Variants in STK31 observed in about 807,000 individuals in gnomAD.
STK31 encodes serine/threonine-protein kinase 31.
STK31 carries 89 observed loss-of-function variants against 129.7 expected under a neutral mutation model. The ratio of observed to expected loss-of-function variants is 0.69; its 90% confidence interval spans 0.58 to 0.82. The LOEUF is 0.82. STK31 is among the 40% of genes least tolerant of loss of function. The pLI, the probability that STK31 is intolerant of heterozygous loss-of-function variation, is 0.00. For missense variants in STK31, 1,187 were observed against 1,176.4 expected, an observed-to-expected ratio of 1.01 and a Z score of -0.13; for synonymous variants, 448 against 395.3, an observed-to-expected ratio of 1.13 and a Z score of -1.58.
At chr7:23,789,801 T>C (rs1221451346) in intron 21 of STK31, among the ~76,000 whole-genome samples, 3 of 152,166 alleles carry the variant, frequency 2.0e-5, no homozygotes, top group Non-Finnish European at 2.9e-5. Flanking sequence ...AATTACTCTT[T>C]AGTCATTCGT....
chr7:23,773,022 G>T (rs1298221462), intron 15 of STK31, among the ~76,000 whole-genome samples: 1 of 151,982 alleles, frequency 6.6e-6, no homozygotes, highest in Non-Finnish European at 1.5e-5. Flanking sequence ...GATTTTTTTA[G>T]TCTGATTTTT....
At chr7:23,788,605 T>G (rs1320375677) in intron 21 of STK31, among the ~76,000 whole-genome samples, 2 of 152,162 alleles carry the variant, frequency 1.3e-5, no homozygotes, top group Admixed American at 6.6e-5. Flanking sequence ...CAGTGTCATA[T>G]TACCTCAGAA....
At chr7:23,723,183 A>G (rs1434303179) in intron 4 of STK31, among the ~76,000 whole-genome samples, 1 of 152,160 alleles carries the variant, frequency 6.6e-6, no homozygotes. Context: ...AGCTGTTCCT[A>G]TTCGGCCATC....
chr7:23,760,078 A>C (rs1789366701), intron 10 of STK31, among the ~76,000 whole-genome samples: 2 of 152,138 alleles, frequency 1.3e-5, no homozygotes, highest in Admixed American at 1.3e-4. Flanking sequence ...ATTTTACATA[A>C]ATTCTTTATT....
chr7:23,773,818 G>A (rs1442706579), intron 15 of STK31, among the ~76,000 whole-genome samples: 2 of 151,590 alleles, frequency 1.3e-5, no homozygotes, highest in Admixed American at 6.6e-5. Flanking sequence ...TACAGTACAT[G>A]TGCACAACGT....
intron 8 of STK31, among the ~76,000 whole-genome samples, chr7:23,738,776 G>A (rs1159190524): frequency 6.6e-6 from 1 of 151,884 alleles, no homozygotes; most frequent in Non-Finnish European, 1.5e-5. Flanking sequence ...GGCTGGTTTC[G>A]AACTCCTCAG....
chr7:23,765,993 C>T lies in STK31; in HGVS notation c.1417-3002C>T, dbSNP rs1235192354. Reference sequence around the variant, plus strand: ...ATTATAGATATTGTGTGTGATAGCTCAGTTAAATAGACTTTAGAGTTATTT... The same window carrying T: ...ATTATAGATATTGTGTGTGATAGCTTAGTTAAATAGACTTTAGAGTTATTT... On this transcript the variant is annotated intron_variant, in intron 11 of 23. Coordinates refer to ENST00000355870, the MANE Select transcript of STK31 (RefSeq NM_031414.5). 6.6e-5 allele frequency among the ~76,000 whole-genome samples: 10 copies of T among 152,310 alleles called. No individual in the cohort carries two copies. The East Asian group carries it at 1.9e-3, about 29-fold the overall frequency.
chr7:23,823,082 C>A (rs1793892147), intron 23 of STK31, among the ~76,000 whole-genome samples: 1 of 152,174 alleles, frequency 6.6e-6, no homozygotes, highest in African/African-American at 2.4e-5. Flanking sequence ...TTTATAGCAG[C>A]ATGATTTATA....
intron 10 of STK31, among the ~76,000 whole-genome samples, chr7:23,761,712 T>G (rs571979487): frequency 6.6e-6 from 1 of 151,750 alleles, no homozygotes; most frequent in African/African-American, 2.4e-5. Flanking sequence ...CCAGATGTTT[T>G]TTTTTTTTAA....
chr7:23,824,967 A>G (rs1794036953), intron 23 of STK31, among the ~76,000 whole-genome samples: 1 of 152,106 alleles, frequency 6.6e-6, no homozygotes, highest in African/African-American at 2.4e-5. Context: ...CATGGTGGGT[A>G]AGCTTTTTGA....
At chr7:23,752,604 G>A (rs1015428275) in intron 8 of STK31, 113 bp from the exon 9 acceptor site, 3 of 732,576 alleles carry the variant, frequency 4.1e-6, no homozygotes, top group Non-Finnish European at 7.2e-6. Context: ...GCCTCCCAAA[G>A]TGTTGGAATT....
chr7:23,776,082 TA>T (rs1282423090), intron 15 of STK31, among the ~76,000 whole-genome samples: 2 of 152,280 alleles, frequency 1.3e-5, no homozygotes, highest in Non-Finnish European at 2.9e-5. Flanking sequence ...TCTGTTGAGA[TA>T]GTCGTGTGGT....
chr7:23,710,679 A>C (rs1489309013), intron 1 of STK31: 2 of 1,117,132 alleles, frequency 1.8e-6, no homozygotes, highest in Non-Finnish European at 2.2e-6. Flanking sequence ...CGTTTCTTCC[A>C]AATTTTCATC....
intron 23 of STK31, among the ~76,000 whole-genome samples, chr7:23,827,837 G>C (rs1794269308): frequency 6.6e-6 from 1 of 152,204 alleles, no homozygotes; most frequent in Admixed American, 6.5e-5. Flanking sequence ...CTGCAGGTCT[G>C]TTGTAGTTTA....
rs1018860043 is a variant in STK31 at position 23,768,032 on chromosome 7, A to AT, written c.1417-953dup. Among the ~76,000 whole-genome samples, 163 of 148,220 alleles carry AT rather than the reference A, an allele frequency of 1.1e-3. 1 individual carries two copies. In the South Asian group the frequency reaches 0.018, roughly 16 times the overall value. ...ATTAAAAAATTTTATTGTTACTGTT[A>AT]TTTTTTTTTTGTGCACCTGCCCCGA... On this transcript the variant is annotated intron_variant, in intron 11 of 23. Coordinates refer to ENST00000355870, the MANE Select transcript of STK31 (RefSeq NM_031414.5).
In STK31 at chr7:23,737,075, G is replaced by T. The variant is rs747442451; in HGVS notation, c.1014G>T (p.Leu338=). 1.2e-6 allele frequency: 2 copies of T among 1,603,438 alleles called. No homozygotes were observed. Among genetic ancestry groups the T allele is most frequent in the Admixed American group, 1.7e-5 (1 of 59,410 alleles). The change falls in exon 8 of 24, where the codon CTG becomes CTT. Residue 338 remains leucine (L), a synonymous_variant. Transcript: ENST00000355870. ...AAGTAGAGCAGATTGCCCAGGAGCTGCAGGTATGTTCAGTGGCTTAAGGTG... is the reference window on the plus strand; with the variant it reads ...AAGTAGAGCAGATTGCCCAGGAGCTTCAGGTATGTTCAGTGGCTTAAGGTG... ...ELKVEQIAQE[L]QQEKAAAVDL... is the part of the protein sequence containing the mutation.
chr7:23,750,148 T>C (rs1211437311), intron 8 of STK31, among the ~76,000 whole-genome samples: 1 of 146,870 alleles, frequency 6.8e-6, no homozygotes, highest in Non-Finnish European at 1.5e-5. Context: ...GAGAACCTGA[T>C]CTAGCTCCTG....
At chr7:23,788,219 A>C in intron 21 of STK31, 90 bp downstream of exon 21, 1 of 1,120,462 alleles carries the variant, frequency 8.9e-7, no homozygotes, top group South Asian at 2.9e-5. Context: ...ATAATACTTT[A>C]TTATAGGATC....
intron 22 of STK31, among the ~76,000 whole-genome samples, chr7:23,803,482 C>A (rs1038645881): frequency 3.3e-5 from 5 of 152,054 alleles, no homozygotes; most frequent in Non-Finnish European, 5.9e-5. Flanking sequence ...CTTATGAGAT[C>A]CAGATTAAAT....
Sources: gnomAD v4.1 joint callset for allele counts (sites outside exome capture counted in the v4.1 genomes callset) on GRCh38, gnomAD v4.1.1 for gene constraint, MANE v1.5 for transcripts, NCBI Gene and HGNC (gene_info 2026-07-23, HGNC 2026-07-21) for gene names.